The following STON2 variants were observed in gnomAD, a reference collection of about 807,000 sequenced individuals.
The protein encoded by STON2 is stonin-2.
A neutral mutation model predicts 65.7 loss-of-function variants in STON2; 29 were observed. The observed-to-expected ratio is 0.44, with a 90% CI of 0.33 to 0.60. The LOEUF (loss-of-function observed/expected upper bound fraction) is 0.60, where lower values mean the gene tolerates loss of function less well. Ranked by LOEUF, STON2 falls within the 20% of genes least tolerant of loss-of-function variation. The pLI, the probability that STON2 is intolerant of heterozygous loss-of-function variation, is 0.03. For synonymous variants in STON2, 404 were observed against 414.2 expected (o/e 0.98, Z 0.30); for missense variants, 1,054 against 1,118.1 (o/e 0.94, Z 0.82).
At position 81,266,140 on chromosome 14, in the gene STON2, T is replaced by G; in HGVS notation, c.*2274A>C. 1 of 975,190 alleles carries G rather than the reference T, an allele frequency of 1.0e-6. No homozygotes were observed. The highest frequency in any genetic ancestry group is 1.2e-6 in the Non-Finnish European group (1 of 820,600). 60.4% of individuals were successfully genotyped at this position (975,190 alleles called of 1,614,324 possible). ...ATTACTATTGAGACTAAACCTATAT[T>G]TAGAAGGAATCTTGGTAGACATATA... On this transcript the variant is annotated 3_prime_UTR_variant, in exon 8 of 8. Transcript: ENST00000614646.
intron 2 of STON2, among the ~76,000 whole-genome samples, chr14:81,420,376 G>A (rs1161001059): frequency 6.6e-6 from 1 of 152,190 alleles, no homozygotes; most frequent in African/African-American, 2.4e-5. Flanking sequence ...TATGCTCATG[G>A]AGCATCTGCA....
rs146093911 is a variant in STON2, at chr14:81,350,091, T to A, written c.571+20897A>T. Among the ~76,000 whole-genome samples the A allele has an allele frequency of 4.3e-3, 648 of 151,874 alleles. 6 individuals are homozygous for A. Among genetic ancestry groups the A allele is most frequent in the Non-Finnish European group, 3.2e-3 (215 of 67,864 alleles). ...AGAGTCGAAAGGGTATGCAGAGAGG[T>A]TGGTTAATGGGTACAAACATACAGT... On this transcript the variant is annotated intron_variant, in intron 4 of 7. Coordinates refer to ENST00000614646, the MANE Select transcript of STON2 (RefSeq NM_001394390.1).
At position 81,413,114 on chromosome 14, in the gene STON2, A is replaced by T; in HGVS notation, c.-199+13988T>A. 4 of 1,217,044 alleles carry T rather than the reference A, an allele frequency of 3.3e-6. 1 individual carries two copies. The highest frequency in any genetic ancestry group is 4.7e-6 in the Non-Finnish European group (4 of 855,974). 75.4% of individuals were successfully genotyped at this position (1,217,044 alleles called of 1,614,324 possible). On this transcript the variant is annotated intron_variant, in intron 2 of 8. Transcript: ENST00000553821. ...TCATATCAAGAAGGAATGTGACAAG[A>T]AGTACAATCCCACCTGACACTGCAT... is the stretch of plus-strand genomic sequence containing the variant.
At chr14:81,327,153 A>G (rs944421413) in intron 4 of STON2, among the ~76,000 whole-genome samples, 1 of 152,242 alleles carries the variant, frequency 6.6e-6, no homozygotes, top group African/African-American at 2.4e-5. Context: ...GCAAGACTCC[A>G]TCTCAAAATA....
In STON2 at chr14:81,418,646, A is replaced by G. The variant is rs573011611; in HGVS notation, c.-199+8456T>C. Among the ~76,000 whole-genome samples the G allele has an allele frequency of 2.0e-5, 3 of 152,340 alleles. No individual in the cohort carries two copies. In the East Asian group the frequency reaches 5.8e-4, roughly 29 times the overall value. ...GTACTTTTCTGTTTACCTGGCACAG[A>G]TTGAAGCTTGCCTCAGGTAAGGGGC... is the stretch of plus-strand genomic sequence containing the variant. On this transcript the variant is annotated intron_variant, in intron 2 of 8. Coordinates refer to the STON2 transcript ENST00000553821.
chr14:81,291,243 G>A (rs551821194), intron 5 of STON2, among the ~76,000 whole-genome samples: 19 of 148,724 alleles, frequency 1.3e-4, no homozygotes, highest in East Asian at 5.8e-4. Flanking sequence ...ATGAAAGTCC[G>A]TACTTCAGGT....
chr14:81,349,102 A>G (rs1897927164), intron 4 of STON2, among the ~76,000 whole-genome samples: 1 of 152,194 alleles, frequency 6.6e-6, no homozygotes, highest in South Asian at 2.1e-4. Flanking sequence ...AAAATGAATT[A>G]AAGACTTAAA....
chr14:81,310,737 A>G (rs1329142670), intron 5 of STON2, among the ~76,000 whole-genome samples: 2 of 152,190 alleles, frequency 1.3e-5, no homozygotes, highest in Non-Finnish European at 2.9e-5. Context: ...CACGGCAGAG[A>G]TGGACAGGAA....
Position 81,268,173 on chromosome 14 carries a change from T to C in STON2, c.*241A>G, listed in dbSNP as rs1174566519. The C allele has an allele frequency of 4.4e-5, 49 of 1,121,478 alleles. No homozygotes were observed. The highest frequency in any genetic ancestry group is 2.2e-6 in the Non-Finnish European group (2 of 909,054). The allele number at this position is 1,121,478 out of a possible 1,614,324, so 69.5% of individuals were successfully genotyped here. A position where few individuals can be genotyped will look rare whatever the true frequency, so the allele number is the denominator to read the frequency against. ...TATACAGTAAGCTCCAACAGTCAGG[T>C]GAACCTCGTGCTTTAGGCATGACCA... is the stretch of plus-strand genomic sequence containing the variant. On this transcript the variant is annotated 3_prime_UTR_variant, in exon 8 of 8. Coordinates refer to ENST00000614646, the MANE Select transcript of STON2 (RefSeq NM_001394390.1).
chr14:81,392,399 T>C (rs1429139708), intron 3 of STON2, among the ~76,000 whole-genome samples: 1 of 152,116 alleles, frequency 6.6e-6, no homozygotes, highest in African/African-American at 2.4e-5. Flanking sequence ...TTCCCCTCTT[T>C]TTTCCTTTTC....
At chr14:81,414,324 G>A (rs549001786) in intron 2 of STON2, among the ~76,000 whole-genome samples, 15 of 152,250 alleles carry the variant, frequency 9.9e-5, no homozygotes, top group African/African-American at 3.6e-4. Flanking sequence ...CAGACAGAAG[G>A]GATCCAGTTA....
chr14:81,324,925 C>T (rs947188427), intron 4 of STON2, among the ~76,000 whole-genome samples: 7 of 152,160 alleles, frequency 4.6e-5, no homozygotes, highest in African/African-American at 1.7e-4. Context: ...GGAACAGGTA[C>T]TTGCCTCAAT....
At chr14:81,346,305 AAAG>A (rs1175392984) in intron 4 of STON2, among the ~76,000 whole-genome samples, 3 of 152,166 alleles carry the variant, frequency 2.0e-5, no homozygotes, top group African/African-American at 7.2e-5. Flanking sequence ...TCTGTAATGT[AAAG>A]AAGAATGTCA....
At chr14:81,283,284 A>G (rs1486411132) in intron 5 of STON2, among the ~76,000 whole-genome samples, 1 of 152,228 alleles carries the variant, frequency 6.6e-6, no homozygotes, top group African/African-American at 2.4e-5. Flanking sequence ...AATAAAAAGT[A>G]AGAACTATGG....
chr14:81,275,356 A>G (rs987206515), intron 6 of STON2, among the ~76,000 whole-genome samples: 3 of 152,114 alleles, frequency 2.0e-5, no homozygotes, highest in Admixed American at 6.5e-5. Context: ...GACTCTCTAG[A>G]TACGTCACAT....
rs747188810 is a variant in STON2, at chr14:81,276,915, G to A, written c.2567C>T (p.Pro856Leu). Reference protein sequence around the residue: ...NSIVWRINRLPDKNSASGHPH... With the variant: ...NSIVWRINRLLDKNSASGHPH... ...CCACCACCCACCTGAGTTTTTGTCC[G>A]GCAGTCGGTTTATCCTCCACACAAT... The change falls in exon 6 of 8, where the codon CCG (proline) becomes CTG (leucine). Residue 856 changes from proline to leucine, a missense_variant. Coordinates refer to ENST00000614646, the MANE Select transcript of STON2 (RefSeq NM_001394390.1). 25 of 1,606,274 alleles carry A rather than the reference G, an allele frequency of 1.6e-5. No homozygotes were observed. The highest frequency in any genetic ancestry group is 8.0e-5 in the African/African-American group (6 of 74,666).
At chr14:81,351,164 T>G (rs941407591) in intron 4 of STON2, among the ~76,000 whole-genome samples, 1 of 150,584 alleles carries the variant, frequency 6.6e-6, no homozygotes, top group Non-Finnish European at 1.5e-5. Context: ...TAAGGTATTT[T>G]GAGGTAAGCT....
chr14:81,340,444 G>A (rs982203976), intron 4 of STON2, among the ~76,000 whole-genome samples: 2 of 152,216 alleles, frequency 1.3e-5, no homozygotes, highest in African/African-American at 4.8e-5. Flanking sequence ...GAAAGCTGGA[G>A]AGAAACACAA....
At chr14:81,376,540 G>A (rs919047195) in intron 3 of STON2, among the ~76,000 whole-genome samples, 5 of 151,912 alleles carry the variant, frequency 3.3e-5, no homozygotes, top group Non-Finnish European at 5.9e-5. Context: ...TCTATCAAAC[G>A]TTAAAGGAAA....
Sources: gnomAD v4.1 joint callset for allele counts (sites outside exome capture counted in the v4.1 genomes callset) on GRCh38, gnomAD v4.1.1 for gene constraint, MANE v1.5 for transcripts, NCBI Gene and HGNC (gene_info 2026-07-23, HGNC 2026-07-21) for gene names.